Variants in PGM5 observed in about 807,000 individuals in gnomAD.
The protein encoded by PGM5 is phosphoglucomutase-like protein 5.
Under a neutral mutation model 59.2 loss-of-function variants are expected in PGM5, and 23 were observed. The ratio of observed to expected loss-of-function variants is 0.39; its 90% CI spans 0.28 to 0.55. The LOEUF (loss-of-function observed/expected upper bound fraction) is 0.55, where lower values mean the gene tolerates loss of function less well. Among genes scored for constraint, PGM5 ranks in the 20% least tolerant of loss-of-function variants. The probability of loss-of-function intolerance (pLI) is 0.66; values close to 1 mark genes in which losing one functional copy is unlikely to be tolerated. For missense variants in PGM5, 574 were observed against 748.3 expected (o/e 0.77, Z 2.72); for synonymous variants, 214 against 286.0 (o/e 0.75, Z 2.54).
chr9:68,401,213 C>A (rs1822658981), intron 6 of PGM5, among the ~76,000 whole-genome samples: 1 of 152,038 alleles, frequency 6.6e-6, no homozygotes, highest in African/African-American at 2.4e-5. Context: ...GATGCATCAT[C>A]TTTTATTCAA....
chr9:68,395,044 A>G lies in PGM5; in HGVS notation c.1043+2571A>G. Among the ~76,000 whole-genome samples the G allele has an allele frequency of 1.3e-5, 2 of 152,180 alleles. 1 individual carries two copies. Among genetic ancestry groups the G allele is most frequent in the East Asian group, 3.8e-4 (2 of 5,202 alleles). Reference sequence around the variant, plus strand: ...ATTATATATGTCTTTGTCAACTACAAGAAATTTTTGCTTCCTCCAAGGTCA... The same window carrying G: ...ATTATATATGTCTTTGTCAACTACAGGAAATTTTTGCTTCCTCCAAGGTCA... On this transcript the variant is annotated intron_variant, in intron 6 of 10. Coordinates refer to ENST00000396396, the MANE Select transcript of PGM5 (RefSeq NM_021965.4).
chr9:68,418,129 CAT>C (rs531075192), intron 6 of PGM5, among the ~76,000 whole-genome samples: 33 of 152,308 alleles, frequency 2.2e-4, no homozygotes, highest in African/African-American at 7.5e-4. Context: ...ATCACATCCC[CAT>C]ATGTCTTCCT....
intron 6 of PGM5, among the ~76,000 whole-genome samples, chr9:68,416,362 A>T (rs1276989431): frequency 6.6e-6 from 1 of 152,148 alleles, no homozygotes; most frequent in Non-Finnish European, 1.5e-5. Context: ...TGTGTTTTTC[A>T]TGGGCCCCTA....
Position 68,483,852 on chromosome 9 carries a change from G to GTGTCCTCA in PGM5, c.1296-12_1296-5dup, listed in dbSNP as rs1824240331. 1 of 1,613,032 alleles carries GTGTCCTCA rather than the reference G, an allele frequency of 6.2e-7. No homozygotes were observed. The highest frequency in any genetic ancestry group is 8.5e-7 in the Non-Finnish European group (1 of 1,179,224). ...CTCTGATTAGGTTTCTGTTCCTCCT[G>GTGTCCTCA]TGTCCTCACCAGGTTTGACTATGAG... On this transcript the variant is annotated splice_polypyrimidine_tract_variant and intron_variant, in intron 8 of 10. Transcript: ENST00000396396.
intron 2 of PGM5, among the ~76,000 whole-genome samples, chr9:68,379,898 G>A (rs1554678180): frequency 6.6e-6 from 1 of 151,810 alleles, no homozygotes; most frequent in Non-Finnish European, 1.5e-5. Context: ...CTTATCAAGA[G>A]GACATAACAA....
At chr9:68,521,685 C>T (rs1276254060) in intron 10 of PGM5, among the ~76,000 whole-genome samples, 1 of 152,100 alleles carries the variant, frequency 6.6e-6, no homozygotes, top group African/African-American at 2.4e-5. Flanking sequence ...TAGTAATTCC[C>T]CATCCTTTTA....
At chr9:68,517,399 G>C (rs1232745353) in intron 10 of PGM5, among the ~76,000 whole-genome samples, 2 of 152,084 alleles carry the variant, frequency 1.3e-5, no homozygotes, top group Non-Finnish European at 2.9e-5. Flanking sequence ...AAATTAGAAT[G>C]CCCCAGATTC....
intron 6 of PGM5, among the ~76,000 whole-genome samples, chr9:68,453,328 T>C (rs1227216105): frequency 1.3e-5 from 2 of 152,186 alleles, no homozygotes; most frequent in East Asian, 3.8e-4. Context: ...CTTAATTTTA[T>C]CTTAAACTTT....
chr9:68,416,486 G>A (rs1283091696), intron 6 of PGM5, among the ~76,000 whole-genome samples: 1 of 152,080 alleles, frequency 6.6e-6, no homozygotes, highest in Non-Finnish European at 1.5e-5. Flanking sequence ...CCCTACCTGT[G>A]TTCTCTTCAT....
At chr9:68,488,997 GT>G (rs1358436940) in intron 9 of PGM5, among the ~76,000 whole-genome samples, 1 of 152,148 alleles carries the variant, frequency 6.6e-6, no homozygotes, top group East Asian at 1.9e-4. Context: ...GGGTTGCAGG[GT>G]GAGCCACTCT....
chr9:68,440,097 G>C (rs1377782804), intron 6 of PGM5, among the ~76,000 whole-genome samples: 4 of 152,168 alleles, frequency 2.6e-5, no homozygotes, highest in African/African-American at 9.7e-5. Context: ...GAATGGAAAA[G>C]AGAAATAGAC....
chr9:68,465,549 G>A (rs971333756), intron 7 of PGM5, among the ~76,000 whole-genome samples: 34 of 151,954 alleles, frequency 2.2e-4, no homozygotes, highest in Non-Finnish European at 1.3e-4. Flanking sequence ...ACCCTCATCC[G>A]CAGGGGAACA....
rs552798497 is a variant in PGM5 at position 68,524,314 on chromosome 9, C to G, written c.1615-5253C>G. 3.9e-5 allele frequency among the ~76,000 whole-genome samples: 6 copies of G among 152,222 alleles called. No individual in the cohort carries two copies. The East Asian group carries it at 1.2e-3, about 29-fold the overall frequency. Reference sequence around the variant, plus strand: ...TAAATAGAGAGAGGATCCAATACCCCCTGTAGCCTGTCTACATTAATGGAC... The same window carrying G: ...TAAATAGAGAGAGGATCCAATACCCGCTGTAGCCTGTCTACATTAATGGAC... On this transcript the variant is annotated intron_variant, in intron 10 of 10. Coordinates refer to ENST00000396396, the MANE Select transcript of PGM5 (RefSeq NM_021965.4).
In PGM5 at chr9:68,524,707, T is replaced by C. The variant is rs60591790; in HGVS notation, c.1615-4860T>C. On this transcript the variant is annotated intron_variant, in intron 10 of 10. Coordinates refer to ENST00000396396, the MANE Select transcript of PGM5 (RefSeq NM_021965.4). ...CTGATGTGGGACTCATCTGGTCCAATAGGGTTGCAATCCCATGATTTCCCT... is the reference window on the plus strand; with the variant it reads ...CTGATGTGGGACTCATCTGGTCCAACAGGGTTGCAATCCCATGATTTCCCT... 3.0e-3 allele frequency among the ~76,000 whole-genome samples: 454 copies of C among 152,278 alleles called. 3 individuals are homozygous for C. The highest frequency in any genetic ancestry group is 0.01 in the African/African-American group (416 of 41,552).
intron 10 of PGM5, among the ~76,000 whole-genome samples, chr9:68,512,570 C>A (rs782195874): frequency 2.6e-4 from 40 of 152,128 alleles, no homozygotes; most frequent in Non-Finnish European, 2.2e-4. Flanking sequence ...TGTCTTTTCC[C>A]TGTATCTCTT....
chr9:68,395,826 G>T (rs1323344949), intron 6 of PGM5: 9 of 151,994 alleles, frequency 5.9e-5, no homozygotes, highest in Non-Finnish European at 1.0e-4. Flanking sequence ...CACTCTACTT[G>T]TCTCCCTGAG....
intron 7 of PGM5, chr9:68,466,268 G>GTA: frequency 4.0e-6 from 3 of 758,698 alleles, no homozygotes; most frequent in Non-Finnish European, 4.9e-6. Flanking sequence ...CCGATACTGT[G>GTA]TGTTTTTTTT....
intron 6 of PGM5, among the ~76,000 whole-genome samples, chr9:68,434,679 G>T (rs889328262): frequency 1.3e-5 from 2 of 151,982 alleles, no homozygotes; most frequent in Non-Finnish European, 2.9e-5. Flanking sequence ...GCTGGCAGGC[G>T]CCTGTAATCC....
chr9:68,448,370 G>A (rs553437627), intron 6 of PGM5, among the ~76,000 whole-genome samples: 29 of 152,246 alleles, frequency 1.9e-4, no homozygotes, highest in South Asian at 2.1e-4. Flanking sequence ...GGAAGGCTGC[G>A]TGTAGCCTCT....
Sources: allele counts gnomAD v4.1 joint callset (sites outside exome capture counted in the v4.1 genomes callset), GRCh38; gene constraint gnomAD v4.1.1; transcripts MANE v1.5; gene names NCBI Gene and HGNC (gene_info 2026-07-23, HGNC 2026-07-21).